HIVEP1: variants seen among roughly 807,000 people sequenced by gnomAD.
HIVEP1 encodes HIVEP zinc finger 1.
Under a neutral mutation model 180.0 loss-of-function variants are expected in HIVEP1, and 36 were observed. That is an observed-to-expected ratio of 0.20 (90% CI 0.15 to 0.26). The LOEUF (loss-of-function observed/expected upper bound fraction) is 0.26, where lower values mean the gene tolerates loss of function less well. Ranked by LOEUF, HIVEP1 falls within the 10% of genes least tolerant of loss-of-function variation. The pLI, the probability that HIVEP1 is intolerant of heterozygous loss-of-function variation, is 1.00. For missense variants in HIVEP1, 3,143 were observed against 3,268.7 expected, an observed-to-expected ratio of 0.96 and a Z score of 0.94; for synonymous variants, 1,239 against 1,239.0, an observed-to-expected ratio of 1.00 and a Z score of 0.00.
intron 7 of HIVEP1, among the ~76,000 whole-genome samples, chr6:12,142,148 A>G (rs1759077535): frequency 1.3e-5 from 2 of 152,342 alleles, no homozygotes; most frequent in East Asian, 1.9e-4. Flanking sequence ...AGCACTCCTC[A>G]GCAAATGTAA....
At chr6:12,060,204 C>G (rs1018549231) in intron 2 of HIVEP1, among the ~76,000 whole-genome samples, 2 of 152,170 alleles carry the variant, frequency 1.3e-5, no homozygotes, top group African/African-American at 4.8e-5. Context: ...ACTTTAAAAT[C>G]TGACATCTAT....
chr6:12,074,283 C>T (rs1397155269), intron 2 of HIVEP1, among the ~76,000 whole-genome samples: 2 of 152,098 alleles, frequency 1.3e-5, no homozygotes, highest in Admixed American at 1.3e-4. Flanking sequence ...CTACTCTCTT[C>T]CACTCTATGA....
intron 2 of HIVEP1, among the ~76,000 whole-genome samples, chr6:12,085,059 C>T (rs192067437): frequency 2.6e-5 from 4 of 152,236 alleles, no homozygotes; most frequent in Non-Finnish European, 4.4e-5. Flanking sequence ...CTCTTTTTCT[C>T]TTCAGAATGC....
At chr6:12,142,745 A>G (rs1759126320) in intron 7 of HIVEP1, among the ~76,000 whole-genome samples, 1 of 152,248 alleles carries the variant, frequency 6.6e-6, no homozygotes, top group Non-Finnish European at 1.5e-5. Flanking sequence ...ATCAGAGAAT[A>G]CTATAAACAC....
intron 2 of HIVEP1, among the ~76,000 whole-genome samples, chr6:12,064,481 G>A (rs1561903845): frequency 6.6e-6 from 1 of 152,094 alleles, no homozygotes. Flanking sequence ...GTATTATAAG[G>A]TACTTTTTAG....
the HIVEP1 span, among the ~76,000 whole-genome samples, chr6:12,202,129 C>A: frequency 6.6e-6 from 1 of 151,974 alleles, no homozygotes; most frequent in African/African-American, 2.4e-5. Context: ...TGCATTCTAT[C>A]ATAGACTCTT....
At chr6:12,125,908 G>A (rs777160504) in intron 4 of HIVEP1, 38 bp downstream of exon 4, 36 of 1,302,282 alleles carry the variant, frequency 2.8e-5, no homozygotes, top group Non-Finnish European at 3.0e-5. Context: ...TATGGTTTGC[G>A]CAAATTTGTT....
intron 2 of HIVEP1, 70 bp downstream of exon 2, chr6:12,015,738 G>A: frequency 5.7e-6 from 8 of 1,410,720 alleles, no homozygotes. Flanking sequence ...TTTGGTGACA[G>A]GAATGGCCGT....
chr6:12,018,723 C>G (rs774840116), intron 2 of HIVEP1, among the ~76,000 whole-genome samples: 29 of 152,160 alleles, frequency 1.9e-4, no homozygotes, highest in Non-Finnish European at 3.5e-4. Flanking sequence ...GCTGACAAGG[C>G]AAAGTGAGTG....
chr6:12,111,636 G>A (rs12213481), intron 3 of HIVEP1, among the ~76,000 whole-genome samples: 7,195 of 152,268 alleles, frequency 0.047, 242 homozygotes, highest in Non-Finnish European at 0.071. Flanking sequence ...CTCTTTCTCC[G>A]TCTTGAAAGC....
chr6:12,164,086 C>T lies in HIVEP1; in HGVS notation c.7782C>T (p.Val2594=). 1 of 1,614,184 alleles carries T rather than the reference C, an allele frequency of 6.2e-7. No individual in the cohort carries two copies. Among genetic ancestry groups the T allele is most frequent in the African/African-American group, 1.3e-5 (1 of 75,064 alleles). ...CTTCTGTAGCCAGCGCAAACCAGGT[C>T]AGCAGGACCGAGTCTCCTCAGGGGT... ...KQTSVASANQ[V]SRTESPQGLP... Residue 2594 remains valine (V), a synonymous_variant, in exon 9 of 9, where the codon GTC becomes GTT. Coordinates refer to ENST00000379388, the MANE Select transcript of HIVEP1 (RefSeq NM_002114.4).
chr6:12,155,451 C>T (rs188781312), intron 7 of HIVEP1, among the ~76,000 whole-genome samples: 7 of 151,620 alleles, frequency 4.6e-5, no homozygotes, highest in African/African-American at 9.7e-5. Context: ...ATTGTTCCCC[C>T]CAATGTGTCC....
intron 2 of HIVEP1, among the ~76,000 whole-genome samples, chr6:12,068,780 T>C (rs1176097220): frequency 2.0e-5 from 3 of 152,232 alleles, no homozygotes; most frequent in Non-Finnish European, 4.4e-5. Flanking sequence ...TATGTTCATA[T>C]ATATTATACA....
chr6:12,143,275 T>C (rs1405736048), intron 7 of HIVEP1, among the ~76,000 whole-genome samples: 2 of 152,078 alleles, frequency 1.3e-5, no homozygotes, highest in Admixed American at 6.6e-5. Flanking sequence ...ACAGAACCAA[T>C]GACAAAAACC....
At chr6:12,126,407 G>C (rs1758071374) in intron 4 of HIVEP1, among the ~76,000 whole-genome samples, 1 of 152,192 alleles carries the variant, frequency 6.6e-6, no homozygotes, top group Admixed American at 6.5e-5. Flanking sequence ...ATTAGCACTA[G>C]AGAGAAGTTT....
chr6:12,168,089 A>G (rs1760785136), downstream of HIVEP1, among the ~76,000 whole-genome samples: 6 of 47,696 alleles, frequency 1.3e-4, no homozygotes, highest in East Asian at 3.5e-4. Context: ...ATATACATAT[A>G]TACACATACA....
At chr6:12,135,561 G>A (rs909012474) in intron 6 of HIVEP1, among the ~76,000 whole-genome samples, 1 of 152,162 alleles carries the variant, frequency 6.6e-6, no homozygotes, top group African/African-American at 2.4e-5. Context: ...AGGTAAAGGA[G>A]ATGTTATCAA....
Position 12,124,751 on chromosome 6 carries a change from C to G in HIVEP1, c.4956C>G (p.Leu1652=). 1 of 1,614,158 alleles carries G rather than the reference C, an allele frequency of 6.2e-7. No homozygotes were observed. The highest frequency in any genetic ancestry group is 8.5e-7 in the Non-Finnish European group (1 of 1,180,030). Residue 1652 remains leucine, a synonymous_variant, in exon 4 of 9, where the codon CTC becomes CTG. Coordinates refer to ENST00000379388, the MANE Select transcript of HIVEP1 (RefSeq NM_002114.4). ...SSVPAYCFAT[L]TSLPQILVTQ... is the part of the protein sequence containing the mutation. The stretch of plus-strand genomic sequence containing the variant: ...TTCCTGCTTACTGTTTTGCTACACT[C>G]ACATCCCTGCCACAAATACTAGTGA...
At chr6:12,153,072 A>C (rs1208085464) in intron 7 of HIVEP1, among the ~76,000 whole-genome samples, 1 of 152,246 alleles carries the variant, frequency 6.6e-6, no homozygotes, top group Non-Finnish European at 1.5e-5. Context: ...TTAAACTTTT[A>C]TATAATGCAG....
Sources: allele counts gnomAD v4.1 joint callset (sites outside exome capture counted in the v4.1 genomes callset), GRCh38; gene constraint gnomAD v4.1.1; transcripts MANE v1.5; gene names NCBI Gene and HGNC (gene_info 2026-07-23, HGNC 2026-07-21).